Variants in SNX24 observed in about 807,000 individuals in gnomAD.
The protein encoded by SNX24 is sorting nexin 24.
A neutral mutation model predicts 28.7 loss-of-function variants in SNX24; 22 were observed. The ratio of observed to expected loss-of-function variants is 0.77; its 90% CI spans 0.55 to 1.10. The LOEUF (loss-of-function observed/expected upper bound fraction) is 1.10, where lower values mean the gene tolerates loss of function less well. Among genes scored for constraint, SNX24 ranks in the 50% least tolerant of loss-of-function variants. The probability of loss-of-function intolerance (pLI) is 0.00; values close to 1 mark genes in which losing one functional copy is unlikely to be tolerated. For synonymous variants in SNX24, 69 were observed against 71.5 expected, an observed-to-expected ratio of 0.96 and a Z score of 0.18; for missense variants, 221 against 201.1, an observed-to-expected ratio of 1.10 and a Z score of -0.60.
At chr5:123,010,147 C>T (rs1047787676), downstream of SNX24, among the ~76,000 whole-genome samples, 8 of 152,150 alleles carry the variant, frequency 5.3e-5, no homozygotes, top group Admixed American at 3.9e-4. Flanking sequence ...GGATGGTATT[C>T]GCCCACTCCC....
chr5:122,901,237 A>G (rs1488546630), intron 1 of SNX24, among the ~76,000 whole-genome samples: 2 of 150,920 alleles, frequency 1.3e-5, no homozygotes, highest in East Asian at 3.9e-4. Flanking sequence ...GCTCATATTT[A>G]TGATGAAGAA....
chr5:122,852,341 A>G (rs1216218588), intron 1 of SNX24, among the ~76,000 whole-genome samples: 2 of 151,476 alleles, frequency 1.3e-5, no homozygotes, highest in African/African-American at 2.4e-5. Flanking sequence ...CTGTTTCAGA[A>G]TAGCTTCTTT....
intron 1 of SNX24, among the ~76,000 whole-genome samples, chr5:122,913,906 G>A (rs1386722240): frequency 6.6e-6 from 1 of 152,202 alleles, no homozygotes; most frequent in South Asian, 2.1e-4. Flanking sequence ...TTAGGAGCTG[G>A]AGACCACCCC....
chr5:123,021,890 T>C (rs1055761500), intron 5 of SNX24, among the ~76,000 whole-genome samples: 5 of 152,094 alleles, frequency 3.3e-5, no homozygotes, highest in Admixed American at 6.6e-5. Context: ...TCTTCCTTCC[T>C]CCTGGAAGGC....
intron 1 of SNX24, among the ~76,000 whole-genome samples, chr5:122,856,671 A>G (rs979889565): frequency 2.0e-5 from 3 of 151,896 alleles, no homozygotes; most frequent in Admixed American, 2.0e-4. Flanking sequence ...GCCCGCCAAC[A>G]TGCCTGGCTA....
At position 122,958,556 on chromosome 5, in the gene SNX24, A is replaced by G. The variant is rs191639721; in HGVS notation, c.249+12397A>G. On this transcript the variant is annotated intron_variant, in intron 3 of 6. Transcript: ENST00000261369. The stretch of plus-strand genomic sequence containing the variant: ...GGCGTGTGAGCCACCATGCCTGACC[A>G]CCAAGAGTTTTTTTTTCACATCAAT... Among the ~76,000 whole-genome samples the G allele has an allele frequency of 2.9e-3, 444 of 151,882 alleles. 3 individuals carry two copies. The highest frequency in any genetic ancestry group is 0.01 in the African/African-American group (431 of 41,402).
chr5:122,993,282 C>G (rs1313730564), intron 3 of SNX24, among the ~76,000 whole-genome samples: 1 of 145,720 alleles, frequency 6.9e-6, no homozygotes, highest in Non-Finnish European at 1.5e-5. Context: ...CTTCTTAAAT[C>G]TGTTTAGTGG....
intron 1 of SNX24, among the ~76,000 whole-genome samples, chr5:122,880,153 G>A (rs182322170): frequency 1.5e-3 from 226 of 152,250 alleles, no homozygotes; most frequent in African/African-American, 5.2e-3. Context: ...GTGAAGCAGT[G>A]ATCAATATAT....
chr5:122,947,614 G>T (rs1012811333), intron 3 of SNX24, among the ~76,000 whole-genome samples: 12 of 152,140 alleles, frequency 7.9e-5, no homozygotes, highest in Non-Finnish European at 1.6e-4. Context: ...ACAAGAATGT[G>T]TGTGGCCATG....
chr5:122,985,517 G>A lies in SNX24; in HGVS notation c.250-14395G>A, dbSNP rs140962857. Among the ~76,000 whole-genome samples, 613 of 152,294 alleles carry A rather than the reference G, an allele frequency of 4.0e-3. 19 individuals are homozygous for A. The highest frequency in any genetic ancestry group is 0.033 in the Admixed American group (502 of 15,294). On this transcript the variant is annotated intron_variant, in intron 3 of 6. Coordinates refer to ENST00000261369, the MANE Select transcript of SNX24 (RefSeq NM_014035.4). Reference sequence around the variant, plus strand: ...TGCTCTTGAGCTTATCTACCTCAAAGGTAGTTGAGAGGATTAAGCGACCCA... The same window carrying A: ...TGCTCTTGAGCTTATCTACCTCAAAAGTAGTTGAGAGGATTAAGCGACCCA...
At chr5:122,895,618 G>C (rs1291087070) in intron 1 of SNX24, among the ~76,000 whole-genome samples, 2 of 152,100 alleles carry the variant, frequency 1.3e-5, no homozygotes, top group Non-Finnish European at 2.9e-5. Flanking sequence ...CCCCCGCAGG[G>C]GACACGTCTG....
intron 1 of SNX24, among the ~76,000 whole-genome samples, chr5:122,859,634 G>C (rs1755366383): frequency 6.6e-6 from 1 of 152,090 alleles, no homozygotes; most frequent in Non-Finnish European, 1.5e-5. Flanking sequence ...TCGATGAAAA[G>C]AGTTGAACTC....
intron 5 of SNX24, among the ~76,000 whole-genome samples, chr5:123,027,155 T>C (rs772180744): frequency 2.0e-5 from 3 of 151,818 alleles, no homozygotes; most frequent in Non-Finnish European, 4.4e-5. Flanking sequence ...GATCATGCCA[T>C]TGCACTCCAG....
intron 3 of SNX24, among the ~76,000 whole-genome samples, chr5:122,969,756 C>CTAA (rs1362008776): frequency 3.3e-5 from 5 of 152,158 alleles, no homozygotes; most frequent in Non-Finnish European, 7.3e-5. Flanking sequence ...CGATAGGAGA[C>CTAA]TAATCCTGGA....
chr5:123,012,324 G>A (rs539951291), downstream of SNX24, among the ~76,000 whole-genome samples: 60 of 152,298 alleles, frequency 3.9e-4, no homozygotes, highest in African/African-American at 1.3e-3. Context: ...TCCGGCAATG[G>A]ATGAATGGAT....
intron 1 of SNX24, among the ~76,000 whole-genome samples, chr5:122,916,220 AT>A (rs1758158072): frequency 2.0e-5 from 3 of 152,212 alleles, no homozygotes; most frequent in African/African-American, 7.2e-5. Context: ...TTTTTGTTTC[AT>A]TATTAGTAGT....
intron 1 of SNX24, among the ~76,000 whole-genome samples, chr5:122,870,751 C>A (rs532996690): frequency 6.6e-4 from 100 of 152,216 alleles, no homozygotes; most frequent in African/African-American, 2.3e-3. Flanking sequence ...GTGCCTGAGA[C>A]ATGGAAAAAC....
At chr5:122,946,674 G>A (rs1274140532) in intron 3 of SNX24, among the ~76,000 whole-genome samples, 1 of 152,144 alleles carries the variant, frequency 6.6e-6, no homozygotes, top group Non-Finnish European at 1.5e-5. Flanking sequence ...AGAATGCACT[G>A]GGACACTCTT....
intron 3 of SNX24, among the ~76,000 whole-genome samples, chr5:122,993,461 G>A (rs893778133): frequency 3.3e-5 from 5 of 151,964 alleles, no homozygotes; most frequent in Non-Finnish European, 7.4e-5. Context: ...ACCACGCCTG[G>A]CTAATTTTTT....
Sources: gnomAD v4.1 joint callset for allele counts (sites outside exome capture counted in the v4.1 genomes callset) on GRCh38, gnomAD v4.1.1 for gene constraint, MANE v1.5 for transcripts, NCBI Gene and HGNC (gene_info 2026-07-23, HGNC 2026-07-21) for gene names.